ABHD4: variants seen among roughly 807,000 people sequenced by gnomAD.
ABHD4 encodes the protein abhydrolase domain containing 4, N-acyl phospholipase B.
Under a neutral mutation model 42.3 loss-of-function variants are expected in ABHD4, and 35 were observed. That is an observed-to-expected ratio of 0.83 (90% confidence interval 0.63 to 1.10). The LOEUF is 1.10. Among genes scored for constraint, ABHD4 ranks in the 50% least tolerant of loss-of-function variants. The pLI is 0.00. For synonymous variants in ABHD4, 169 were observed against 170.6 expected, an observed-to-expected ratio of 0.99 and a Z score of 0.07; for missense variants, 389 against 454.8, an observed-to-expected ratio of 0.86 and a Z score of 1.32.
rs1366734092 is a variant in ABHD4, at chr14:22,609,913, A to G, written c.939+3A>G. ...CGGATTCCTATGTCCGAGACATGGT[A>G]TGTTGCACCACCCAAGGAGTGGAAA... On this transcript the variant is annotated splice_donor_region_variant and intron_variant, in intron 6 of 6. Transcript: ENST00000428304. 4 of 1,613,442 alleles carry G rather than the reference A, an allele frequency of 2.5e-6. No homozygotes were observed. The highest frequency in any genetic ancestry group is 3.4e-6 in the Non-Finnish European group (4 of 1,179,750).
intron 6 of ABHD4, 139 bp from the exon 7 acceptor site, chr14:22,610,720 C>T (rs749923890): frequency 4.4e-5 from 29 of 651,884 alleles, no homozygotes; most frequent in Middle Eastern, 4.2e-4. Flanking sequence ...AAGATCCAAG[C>T]GAGAAAGGTG....
At position 22,609,786 on chromosome 14, in the gene ABHD4, A is replaced by G. The variant is rs1198492256; in HGVS notation, c.815A>G (p.Glu272Gly). 6.2e-7 allele frequency: 1 copy of G among 1,614,182 alleles called. No individual in the cohort carries two copies. The highest frequency in any genetic ancestry group is 2.2e-5 in the East Asian group (1 of 44,872). The change falls in exon 6 of 7, where the codon GAG (glutamate) becomes GGG (glycine). Residue 272 changes from glutamate to glycine, a missense_variant. Coordinates refer to ENST00000428304, the MANE Select transcript of ABHD4 (RefSeq NM_022060.3). Reference protein sequence around the residue: ...SFGWARRPMLERIHLIRKDVP... With the variant: ...SFGWARRPMLGRIHLIRKDVP... The stretch of plus-strand genomic sequence containing the variant: ...GGCTGGGCCCGGCGCCCTATGCTGG[A>G]GCGAATTCACTTGATTCGAAAAGAT...
intron 1 of ABHD4, 160 bp downstream of exon 1, chr14:22,598,489 A>G: frequency 3.9e-6 from 6 of 1,534,582 alleles, no homozygotes; most frequent in African/African-American, 1.4e-5. Flanking sequence ...CTTGCTTTGC[A>G]TTTGCCCAGA....
chr14:22,598,591 C>T, intron 1 of ABHD4: 2 of 862,706 alleles, frequency 2.3e-6, no homozygotes, highest in Non-Finnish European at 3.6e-6. Context: ...CGCGAGTGCC[C>T]CTCATTCTCC....
At position 22,604,100 on chromosome 14, in the gene ABHD4, C is replaced by T. The variant is rs776886055; in HGVS notation, c.640+21C>T. 3 of 1,612,594 alleles carry T rather than the reference C, an allele frequency of 1.9e-6. No individual in the cohort carries two copies. In the South Asian group the frequency reaches 3.3e-5, roughly 18 times the overall value. ...CTGGGGTGAGTAGCCTGTAGTATCT[C>T]CTTAAAGGAAGGCTATAACGTTCTA... On this transcript the variant is annotated intron_variant, in intron 4 of 6. Coordinates refer to ENST00000428304, the MANE Select transcript of ABHD4 (RefSeq NM_022060.3).
In ABHD4 at chr14:22,603,916, T is replaced by C. The variant is rs2037317161; in HGVS notation, c.486-9T>C. The C allele has an allele frequency of 1.2e-6, 2 of 1,613,620 alleles. No individual in the cohort carries two copies. The highest frequency in any genetic ancestry group is 1.7e-6 in the Non-Finnish European group (2 of 1,179,676). On this transcript the variant is annotated splice_polypyrimidine_tract_variant and intron_variant, in intron 3 of 6. Coordinates refer to ENST00000428304, the MANE Select transcript of ABHD4 (RefSeq NM_022060.3). ...AATGTGTCTTCTCCTCTTTCCGCCT[T>C]TAACATAGAGTTAAACACCTCATCC... is the stretch of plus-strand genomic sequence containing the variant.
intron 1 of ABHD4, among the ~76,000 whole-genome samples, chr14:22,599,920 C>T (rs1269875470): frequency 6.6e-6 from 1 of 152,218 alleles, no homozygotes; most frequent in Non-Finnish European, 1.5e-5. Flanking sequence ...ATGTATCACT[C>T]CCAGCTGCAA....
intron 4 of ABHD4, among the ~76,000 whole-genome samples, chr14:22,605,592 G>T (rs1180465745): frequency 6.6e-6 from 1 of 152,204 alleles, no homozygotes; most frequent in Non-Finnish European, 1.5e-5. Flanking sequence ...TTGCCAAAAA[G>T]AAGGTCTGCT....
chr14:22,606,411 T>C lies in ABHD4; in HGVS notation c.641-11T>C, dbSNP rs775341847. ...AAATTGGCCTGTCTGTGTTTTTCTA[T>C]CCCCTCCCAGGGCCTGGTCTGGTGC... is the stretch of plus-strand genomic sequence containing the variant. On this transcript the variant is annotated splice_polypyrimidine_tract_variant and intron_variant, in intron 4 of 6. Coordinates refer to ENST00000428304, the MANE Select transcript of ABHD4 (RefSeq NM_022060.3). The C allele has an allele frequency of 6.2e-7, 1 of 1,604,106 alleles. No homozygotes were observed. The highest frequency in any genetic ancestry group is 2.2e-5 in the East Asian group (1 of 44,770).
In ABHD4 at chr14:22,604,063, A is replaced by G; in HGVS notation, c.624A>G (p.Arg208=). Residue 208 remains arginine (R), a synonymous_variant, in exon 4 of 7, where the codon CGA becomes CGG. Coordinates refer to ENST00000428304, the MANE Select transcript of ABHD4 (RefSeq NM_022060.3). ...GTTCCAATCCATTGGCTGTTCTTCGAGTAGCTGGGCCCTGGGGTGAGTAGC... is the reference window on the plus strand; with the variant it reads ...GTTCCAATCCATTGGCTGTTCTTCGGGTAGCTGGGCCCTGGGGTGAGTAGC... ...LGRSNPLAVL[R]VAGPWGPGLV... 1 of 1,614,178 alleles carries G rather than the reference A, an allele frequency of 6.2e-7. No homozygotes were observed. Among genetic ancestry groups the G allele is most frequent in the Non-Finnish European group, 8.5e-7 (1 of 1,180,020 alleles).
intron 4 of ABHD4, 115 bp from the exon 5 acceptor site, chr14:22,606,307 A>G: frequency 1.4e-6 from 1 of 721,764 alleles, no homozygotes; most frequent in East Asian, 2.7e-5. Context: ...AATAAAGCAA[A>G]CAAACCCTTA....
chr14:22,600,981 G>C (rs2139262268), intron 1 of ABHD4, among the ~76,000 whole-genome samples: 1 of 152,118 alleles, frequency 6.6e-6, no homozygotes, highest in East Asian at 1.9e-4. Context: ...CATGTCATTA[G>C]AGGTGAGGAC....
chr14:22,606,007 G>T (rs2037345068), intron 4 of ABHD4: 1 of 430,066 alleles, frequency 2.3e-6, no homozygotes, highest in Admixed American at 2.7e-5. Flanking sequence ...AGGTGGTCTA[G>T]TTCCATCCGC....
chr14:22,604,498 C>A (rs977611870), intron 4 of ABHD4, among the ~76,000 whole-genome samples: 1 of 152,194 alleles, frequency 6.6e-6, no homozygotes, highest in Non-Finnish European at 1.5e-5. Context: ...CCGCCTGCCT[C>A]GGCCTCCCGA....
intron 4 of ABHD4, chr14:22,605,741 C>T (rs1439813225): frequency 8.8e-7 from 1 of 1,139,930 alleles, no homozygotes; most frequent in East Asian, 5.8e-5. Flanking sequence ...CTCATGGCAC[C>T]CCCAACCCAG....
chr14:22,601,642 G>T, intron 1 of ABHD4, 25 bp from the exon 2 acceptor site: 1 of 1,604,784 alleles, frequency 6.2e-7, no homozygotes, highest in Non-Finnish European at 8.5e-7. Context: ...TGTTGCCAAT[G>T]AGTGTCTCTG....
intron 6 of ABHD4, 45 bp from the exon 7 acceptor site, chr14:22,610,814 C>G: frequency 6.6e-7 from 1 of 1,505,096 alleles, no homozygotes; most frequent in Non-Finnish European, 9.2e-7. Context: ...TTCCCAGCAC[C>G]AGGAATAAAA....
In ABHD4 at chr14:22,610,873, C is replaced by T. The variant is rs779567701; in HGVS notation, c.954C>T (p.Ala318=). The change falls in exon 7 of 7, where the codon GCC becomes GCT. Residue 318 remains alanine, a synonymous_variant. Coordinates refer to ENST00000428304, the MANE Select transcript of ABHD4 (RefSeq NM_022060.3). ...TCTCTCCACAGGAGATTAAGGGTGC[C>T]TCCCACCATGTCTATGCTGACCAGC... is the stretch of plus-strand genomic sequence containing the variant. The part of the protein sequence containing the change: ...SYVRDMEIKG[A]SHHVYADQPH... 5 of 1,613,932 alleles carry T rather than the reference C, an allele frequency of 3.1e-6. No homozygotes were observed. The African/African-American group carries it at 5.3e-5, about 17-fold the overall frequency.
At position 22,603,569 on chromosome 14, in the gene ABHD4, C is replaced by A; in HGVS notation, c.292C>A (p.His98Asn). ...MDSLSARRTL[H>N]TFDLLGFGRS... Reference sequence around the variant, plus strand: ...CTCACTGAGTGCCCGCCGCACACTGCACACCTTCGATCTGCTTGGCTTCGG... The same window carrying A: ...CTCACTGAGTGCCCGCCGCACACTGAACACCTTCGATCTGCTTGGCTTCGG... Residue 98 changes from histidine (H) to asparagine (N), a missense_variant, in exon 3 of 7, where the codon CAC becomes AAC. Physicochemically the swap from His to Asn is moderately conservative, Grantham distance 68. Coordinates refer to ENST00000428304, the MANE Select transcript of ABHD4 (RefSeq NM_022060.3). The A allele has an allele frequency of 6.2e-7, 1 of 1,614,188 alleles. No individual in the cohort carries two copies. Among genetic ancestry groups the A allele is most frequent in the Non-Finnish European group, 8.5e-7 (1 of 1,180,036 alleles).
Sources: gnomAD v4.1 joint callset for allele counts (sites outside exome capture counted in the v4.1 genomes callset) on GRCh38, gnomAD v4.1.1 for gene constraint, MANE v1.5 for transcripts, NCBI Gene and HGNC (gene_info 2026-07-23, HGNC 2026-07-21) for gene names.